The following OR2L3 variants were observed in gnomAD, a reference collection of about 807,000 sequenced individuals.
OR2L3 encodes olfactory receptor 2L3.
For synonymous variants in OR2L3, 131 were observed against 139.1 expected, an observed-to-expected ratio of 0.94 and a Z score of 0.41; for missense variants, 369 against 376.6, an observed-to-expected ratio of 0.98 and a Z score of 0.17.
chr1:248,058,800 G>T (rs567096682), intron 1 of OR2L3, among the ~76,000 whole-genome samples: 1 of 151,960 alleles, frequency 6.6e-6, no homozygotes, highest in South Asian at 2.1e-4. Context: ...AAGTCCTTAA[G>T]CACATATTGT....
Position 248,061,344 on chromosome 1 carries a change from C to T in OR2L3, c.663C>T (p.Leu221=). The T allele has an allele frequency of 1.2e-6, 2 of 1,613,926 alleles. No individual in the cohort carries two copies. Among genetic ancestry groups the T allele is most frequent in the Non-Finnish European group, 1.7e-6 (2 of 1,179,994 alleles). ...IAISCSYGRV[L]LAVYHMKSAE... Reference sequence around the variant, plus strand: ...TTTCATGTTCCTATGGCCGGGTTCTCCTTGCTGTCTACCACATGAAATCTG... The same window carrying T: ...TTTCATGTTCCTATGGCCGGGTTCTTCTTGCTGTCTACCACATGAAATCTG... Residue 221 remains leucine, a synonymous_variant, in exon 2 of 2, where the codon CTC becomes CTT. Transcript: ENST00000359959.
chr1:248,058,140 T>C (rs1663500254), intron 1 of OR2L3, among the ~76,000 whole-genome samples: 1 of 152,126 alleles, frequency 6.6e-6, no homozygotes, highest in Non-Finnish European at 1.5e-5. Context: ...ACTTTAATGT[T>C]TTATGAAAGA....
In OR2L3 at chr1:248,061,975, T is replaced by C. The variant is rs1158304055; in HGVS notation, c.*355T>C. On this transcript the variant is annotated 3_prime_UTR_variant, in exon 2 of 2. Transcript: ENST00000359959. ...ATGGTCAGTTTATTTTCCAGTAATT[T>C]TAAATTTACTTTTTTGTTTATGTCT... The C allele has an allele frequency of 5.8e-6, 1 of 172,598 alleles. No homozygotes were observed. The highest frequency in any genetic ancestry group is 1.2e-5 in the Non-Finnish European group (1 of 81,050). 10.7% of individuals were successfully genotyped at this position (172,598 alleles called of 1,614,324 possible).
At position 248,047,428 on chromosome 1, in the gene OR2L3, G is replaced by A. The variant is rs140150632; in HGVS notation, c.-22+548G>A. 4.2e-4 allele frequency among the ~76,000 whole-genome samples: 64 copies of A among 152,192 alleles called. 1 individual carries two copies. In the East Asian group the frequency reaches 8.7e-3, roughly 21 times the overall value. On this transcript the variant is annotated intron_variant, in intron 1 of 1. Transcript: ENST00000359959. ...ATGTTAAAGGGGCATTAAAGTAAAGGTACAACGAGAATGGTTAAAATCACC... is the reference window on the plus strand; with the variant it reads ...ATGTTAAAGGGGCATTAAAGTAAAGATACAACGAGAATGGTTAAAATCACC...
At position 248,060,848 on chromosome 1, in the gene OR2L3, C is replaced by T. The variant is rs747068479; in HGVS notation, c.167C>T (p.Thr56Ile). 2 of 1,613,978 alleles carry T rather than the reference C, an allele frequency of 1.2e-6. No homozygotes were observed. Among genetic ancestry groups the T allele is most frequent in the Non-Finnish European group, 1.7e-6 (2 of 1,179,876 alleles). ...ATCTTCTTGGACACCCATCTCCACA[C>T]ACCCATGTATTTCCTACTTAGTCAG... ...LLIFLDTHLH[T>I]PMYFLLSQLS... The change falls in exon 2 of 2, where the codon ACA becomes ATA. Residue 56 changes from threonine (T) to isoleucine (I), a missense_variant. By Grantham distance (89) the Thr-to-Ile change is moderately conservative. Transcript: ENST00000359959.
Position 248,055,296 on chromosome 1 carries a change from T to C in OR2L3, c.-21-5365T>C, listed in dbSNP as rs116039722. Among the ~76,000 whole-genome samples, 486 of 152,318 alleles carry C rather than the reference T, an allele frequency of 3.2e-3. 8 individuals are homozygous for C. The highest frequency in any genetic ancestry group is 0.011 in the African/African-American group (454 of 41,584). ...CATCCAGGGGATGAAGCTGACTTGA[T>C]TGTGATGGAGAAGCTTTTTGATGTG... On this transcript the variant is annotated intron_variant, in intron 1 of 1. Coordinates refer to ENST00000359959, the MANE Select transcript of OR2L3 (RefSeq NM_001004687.2).
intron 1 of OR2L3, among the ~76,000 whole-genome samples, chr1:248,052,917 G>C (rs763189465): frequency 1.3e-5 from 2 of 151,280 alleles, no homozygotes; most frequent in Admixed American, 1.3e-4. Flanking sequence ...TTTTGGCTTT[G>C]TACACTTTTT....
At chr1:248,049,309 G>A (rs1233264888) in intron 1 of OR2L3, among the ~76,000 whole-genome samples, 3 of 152,154 alleles carry the variant, frequency 2.0e-5, no homozygotes, top group African/African-American at 7.2e-5. Flanking sequence ...TAAATTGAAG[G>A]ATAGGAAAGA....
intron 1 of OR2L3, among the ~76,000 whole-genome samples, chr1:248,049,705 A>T (rs1663193913): frequency 6.6e-6 from 1 of 152,172 alleles, no homozygotes. Context: ...TTTCTCAATT[A>T]TTTAACACTT....
At chr1:248,051,673 A>G (rs1361301832) in intron 1 of OR2L3, among the ~76,000 whole-genome samples, 1 of 152,002 alleles carries the variant, frequency 6.6e-6, no homozygotes, top group Non-Finnish European at 1.5e-5. Context: ...AGAAGCCCAA[A>G]CCTCAGCATC....
intron 1 of OR2L3, among the ~76,000 whole-genome samples, chr1:248,050,848 T>C (rs1255904694): frequency 2.0e-5 from 3 of 152,204 alleles, no homozygotes; most frequent in Non-Finnish European, 4.4e-5. Context: ...AATTTGCTCT[T>C]CTAAATTTTT....
chr1:248,060,731 T>C lies in OR2L3; in HGVS notation c.50T>C (p.Phe17Ser). The change falls in exon 2 of 2, where the codon TTC becomes TCC. Residue 17 changes from phenylalanine (F) to serine (S), a missense_variant. By Grantham distance (155) the Phe-to-Ser change is radical. Transcript: ENST00000359959. ...ACTGATTTCATCTTATTAGGATTCT[T>C]CCCACCATCAAGAATTGGCCTTTTC... is the stretch of plus-strand genomic sequence containing the variant. Reference protein sequence around the residue: ...TSTDFILLGFFPPSRIGLFLF... With the variant: ...TSTDFILLGFSPPSRIGLFLF... 1.2e-6 allele frequency: 2 copies of C among 1,614,092 alleles called. No homozygotes were observed. Among genetic ancestry groups the C allele is most frequent in the South Asian group, 1.1e-5 (1 of 91,070 alleles).
chr1:248,059,831 C>A (rs1248258973), intron 1 of OR2L3, among the ~76,000 whole-genome samples: 2 of 152,026 alleles, frequency 1.3e-5, no homozygotes, highest in Non-Finnish European at 2.9e-5. Context: ...ATTGGTGAGG[C>A]CAAGAGTTCA....
At chr1:248,059,184 T>C (rs564122531) in intron 1 of OR2L3, among the ~76,000 whole-genome samples, 126 of 152,270 alleles carry the variant, frequency 8.3e-4, no homozygotes, top group African/African-American at 2.9e-3. Flanking sequence ...TGAATGTTAG[T>C]TGTATACGTG....
At chr1:248,053,439 G>T (rs1319073829) in intron 1 of OR2L3, among the ~76,000 whole-genome samples, 2 of 152,136 alleles carry the variant, frequency 1.3e-5, no homozygotes, top group Non-Finnish European at 2.9e-5. Flanking sequence ...CTTTATAATA[G>T]AATAATTTAT....
In OR2L3 at chr1:248,062,261, C is replaced by T. The variant is rs912408225; in HGVS notation, c.*641C>T. 2 of 152,184 alleles carry T rather than the reference C, an allele frequency of 1.3e-5. No homozygotes were observed. Among genetic ancestry groups the T allele is most frequent in the Non-Finnish European group, 2.9e-5 (2 of 68,056 alleles). The allele number at this position is 152,184 out of a possible 1,614,324, so 9.4% of individuals were successfully genotyped here. Reference sequence around the variant, plus strand: ...TAACATTAGGTATATTTTAGATCAACAAAAGGACTGGAACATGCCAGCAGT... The same window carrying T: ...TAACATTAGGTATATTTTAGATCAATAAAAGGACTGGAACATGCCAGCAGT... On this transcript the variant is annotated 3_prime_UTR_variant, in exon 2 of 2. Transcript: ENST00000359959.
chr1:248,061,678 G>T lies in OR2L3; in HGVS notation c.*58G>T. The T allele has an allele frequency of 7.2e-7, 1 of 1,391,368 alleles. No individual in the cohort carries two copies. Among genetic ancestry groups the T allele is most frequent in the African/African-American group, 1.4e-5 (1 of 69,078 alleles). The allele number at this position is 1,391,368 out of a possible 1,614,324, so 86.2% of individuals were successfully genotyped here. On this transcript the variant is annotated 3_prime_UTR_variant, in exon 2 of 2. Coordinates refer to ENST00000359959, the MANE Select transcript of OR2L3 (RefSeq NM_001004687.2). ...ATACACATCCATCCAGCAGTGTATA[G>T]TAATTAAAATATTATTTCAATCCTA... is the stretch of plus-strand genomic sequence containing the variant.
chr1:248,056,322 T>C (rs995647833), intron 1 of OR2L3, among the ~76,000 whole-genome samples: 1 of 152,090 alleles, frequency 6.6e-6, no homozygotes, highest in African/African-American at 2.4e-5. Flanking sequence ...GGATTCATTG[T>C]TTGAAGGGTT....
intron 1 of OR2L3, 121 bp downstream of exon 1, chr1:248,047,001 G>A (rs1257714703): frequency 6.6e-6 from 1 of 152,178 alleles, no homozygotes; most frequent in Non-Finnish European, 1.5e-5. Context: ...ACTAATAACT[G>A]TACTTTCTAT....
Sources: gnomAD v4.1 joint callset for allele counts (sites outside exome capture counted in the v4.1 genomes callset) on GRCh38, gnomAD v4.1.1 for gene constraint, MANE v1.5 for transcripts, NCBI Gene and HGNC (gene_info 2026-07-23, HGNC 2026-07-21) for gene names.